PSD3: variants seen among roughly 807,000 people sequenced by gnomAD.
PSD3 encodes the protein pleckstrin and Sec7 domain containing 3.
In PSD3, 49 loss-of-function variants were observed where a neutral mutation model predicts 105.5. The ratio of observed to expected loss-of-function variants is 0.46; its 90% CI spans 0.37 to 0.59. The LOEUF (loss-of-function observed/expected upper bound fraction) is 0.59. Among genes scored for constraint, PSD3 ranks in the 20% least tolerant of loss-of-function variants. The pLI is 0.00. For synonymous variants in PSD3, 557 were observed against 457.8 expected (o/e 1.22, Z -2.77); for missense variants, 1,561 against 1,263.8 (o/e 1.24, Z -3.57).
At chr8:18,680,468 G>T (rs1800319762) in intron 9 of PSD3, among the ~76,000 whole-genome samples, 1 of 152,182 alleles carries the variant, frequency 6.6e-6, no homozygotes, top group African/African-American at 2.4e-5. Context: ...CAGAAGCCTT[G>T]CTAGTAACTC....
chr8:18,777,563 T>C (rs192964380), intron 8 of PSD3, among the ~76,000 whole-genome samples: 3 of 152,312 alleles, frequency 2.0e-5, no homozygotes, highest in East Asian at 3.9e-4. Flanking sequence ...ACTATACATA[T>C]TTATGGGGTA....
At chr8:18,913,251 G>A (rs1333903852) in intron 2 of PSD3, among the ~76,000 whole-genome samples, 2 of 151,544 alleles carry the variant, frequency 1.3e-5, no homozygotes, top group Admixed American at 6.6e-5. Context: ...CCTCTCTCTC[G>A]TTTTCCAAAT....
At chr8:18,646,740 G>T (rs1808065972) in intron 10 of PSD3, among the ~76,000 whole-genome samples, 1 of 152,000 alleles carries the variant, frequency 6.6e-6, no homozygotes, top group South Asian at 2.1e-4. Flanking sequence ...CTCTCACAGA[G>T]AAACAACTGA....
At chr8:19,070,215 A>G (rs1459528996) in intron 1 of PSD3, among the ~76,000 whole-genome samples, 3 of 152,120 alleles carry the variant, frequency 2.0e-5, no homozygotes, top group Non-Finnish European at 4.4e-5. Context: ...TGTCCTGTAG[A>G]TAGCATTCGT....
chr8:18,548,758 G>A (rs962129334), intron 15 of PSD3, among the ~76,000 whole-genome samples: 2 of 152,152 alleles, frequency 1.3e-5, no homozygotes, highest in Admixed American at 6.5e-5. Flanking sequence ...GGCTTGGGGT[G>A]GGGATGGGAG....
chr8:18,724,551 G>A (rs1404054869), intron 9 of PSD3, among the ~76,000 whole-genome samples: 1 of 152,064 alleles, frequency 6.6e-6, no homozygotes, highest in African/African-American at 2.4e-5. Flanking sequence ...GTCTGAGGCT[G>A]CAGTGAGCTA....
intron 1 of PSD3, among the ~76,000 whole-genome samples, chr8:19,082,584 A>T (rs1829677435): frequency 2.0e-5 from 3 of 152,284 alleles, no homozygotes; most frequent in East Asian, 3.9e-4. Context: ...CAGCCCTCTG[A>T]ATTAGGTGGA....
At chr8:18,591,319 G>C (rs879887845) in intron 12 of PSD3, among the ~76,000 whole-genome samples, 1 of 152,160 alleles carries the variant, frequency 6.6e-6, no homozygotes, top group East Asian at 1.9e-4. Context: ...CTGGGTAATG[G>C]CTTAATCTTG....
chr8:18,901,268 T>A (rs1036906914), intron 2 of PSD3, among the ~76,000 whole-genome samples: 5 of 152,180 alleles, frequency 3.3e-5, no homozygotes, highest in African/African-American at 1.2e-4. Flanking sequence ...TTTAAAATAT[T>A]TGAATATAAG....
intron 7 of PSD3, among the ~76,000 whole-genome samples, chr8:18,800,352 G>C (rs1183567364): frequency 6.6e-6 from 1 of 152,186 alleles, no homozygotes; most frequent in Non-Finnish European, 1.5e-5. Context: ...ACCTTAATCA[G>C]GTGATAAACT....
intron 14 of PSD3, among the ~76,000 whole-genome samples, chr8:18,564,556 G>A (rs1005046023): frequency 6.6e-6 from 1 of 151,914 alleles, no homozygotes; most frequent in African/African-American, 2.4e-5. Context: ...TTGAACCTGG[G>A]AGGTGGAGGT....
chr8:19,034,117 CAG>C (rs1223542769), intron 1 of PSD3, among the ~76,000 whole-genome samples: 4 of 152,160 alleles, frequency 2.6e-5, no homozygotes, highest in African/African-American at 9.7e-5. Context: ...TAATGGATCT[CAG>C]AGGAAAACCT....
chr8:18,773,022 C>A (rs9644615), intron 8 of PSD3, among the ~76,000 whole-genome samples: 71,274 of 151,942 alleles, frequency 0.47, 19,341 homozygotes, highest in Non-Finnish European at 0.61. Context: ...ACAAACGTTT[C>A]AGTTTGATGT....
Position 18,655,631 on chromosome 8 carries a change from A to G in PSD3, c.2216+11T>C. On this transcript the variant is annotated intron_variant, in intron 10 of 15. Transcript: ENST00000327040. ...GTTCATTATTAAAAGGCTGACGTCC[A>G]GCACACTTACACTGCCCATTCAAGC... 1 of 1,613,498 alleles carries G rather than the reference A, an allele frequency of 6.2e-7. No individual in the cohort carries two copies.
At chr8:18,689,107 C>T (rs1000288438) in intron 9 of PSD3, among the ~76,000 whole-genome samples, 2 of 152,182 alleles carry the variant, frequency 1.3e-5, no homozygotes, top group African/African-American at 4.8e-5. Context: ...ATCAGAAAAA[C>T]TCAACCTCTC....
At chr8:18,659,938 A>T (rs900520842) in intron 9 of PSD3, among the ~76,000 whole-genome samples, 1 of 152,156 alleles carries the variant, frequency 6.6e-6, no homozygotes, top group Non-Finnish European at 1.5e-5. Flanking sequence ...TGGTAGTTAG[A>T]GCTAAGTGGA....
At chr8:18,585,253 TAC>T (rs973766704) in intron 12 of PSD3, among the ~76,000 whole-genome samples, 3 of 152,206 alleles carry the variant, frequency 2.0e-5, no homozygotes, top group Non-Finnish European at 4.4e-5. Flanking sequence ...AATCATTTCA[TAC>T]ACAGACTGCT....
intron 9 of PSD3, among the ~76,000 whole-genome samples, chr8:18,736,071 T>C (rs975430866): frequency 1.3e-5 from 2 of 152,196 alleles, no homozygotes; most frequent in East Asian, 1.9e-4. Flanking sequence ...TAAAACAACG[T>C]AGAATTCCAA....
intron 2 of PSD3, among the ~76,000 whole-genome samples, chr8:18,908,414 T>C (rs924071179): frequency 5.9e-5 from 9 of 152,220 alleles, no homozygotes; most frequent in Non-Finnish European, 8.8e-5. Flanking sequence ...CAGGTCTTTT[T>C]AGAACCAAAT....
Sources: gnomAD v4.1 joint callset for allele counts (sites outside exome capture counted in the v4.1 genomes callset) on GRCh38, gnomAD v4.1.1 for gene constraint, MANE v1.5 for transcripts, NCBI Gene and HGNC (gene_info 2026-07-23, HGNC 2026-07-21) for gene names.